GABRB2: variants seen among roughly 807,000 people sequenced by gnomAD.
The protein encoded by GABRB2 is gamma-aminobutyric acid type A receptor subunit beta2, also known as gamma-aminobutyric acid receptor subunit beta-2.
In GABRB2, 16 loss-of-function variants were observed where a neutral mutation model predicts 54.7. The ratio of observed to expected loss-of-function variants is 0.29; its 90% CI spans 0.20 to 0.44. The LOEUF (loss-of-function observed/expected upper bound fraction) is 0.44. Ranked by LOEUF, GABRB2 falls within the 20% of genes least tolerant of loss-of-function variation. GABRB2 has a pLI of 1.00. For synonymous variants in GABRB2, 244 were observed against 233.8 expected (o/e 1.04, Z -0.40); for missense variants, 355 against 644.0 (o/e 0.55, Z 4.86).
chr5:161,449,889 A>G (rs1229754919), intron 4 of GABRB2, among the ~76,000 whole-genome samples: 2 of 152,150 alleles, frequency 1.3e-5, no homozygotes, highest in Non-Finnish European at 2.9e-5. Context: ...CCACGTTCAC[A>G]GTATTCTGGT....
At chr5:161,424,664 TA>T (rs1381489143) in intron 4 of GABRB2, among the ~76,000 whole-genome samples, 1 of 152,102 alleles carries the variant, frequency 6.6e-6, no homozygotes, top group Non-Finnish European at 1.5e-5. Flanking sequence ...ACAAGGAAAT[TA>T]ATATTTTTAG....
chr5:161,498,690 G>T (rs1759330922), intron 3 of GABRB2, among the ~76,000 whole-genome samples: 1 of 151,960 alleles, frequency 6.6e-6, no homozygotes, highest in Non-Finnish European at 1.5e-5. Context: ...ATGGCCTTTG[G>T]AACACAAGGC....
intron 9 of GABRB2, among the ~76,000 whole-genome samples, chr5:161,311,178 C>T (rs1757858232): frequency 6.6e-6 from 1 of 152,106 alleles, no homozygotes; most frequent in African/African-American, 2.4e-5. Context: ...TTTGACATAC[C>T]AGGCATGGAC....
At chr5:161,445,817 G>A (rs1757600664) in intron 4 of GABRB2, among the ~76,000 whole-genome samples, 1 of 152,068 alleles carries the variant, frequency 6.6e-6, no homozygotes, top group Non-Finnish European at 1.5e-5. Context: ...ATTAATTGAT[G>A]CCTTGTATCT....
chr5:161,540,946 G>A lies in GABRB2; in HGVS notation c.237+4281C>T, dbSNP rs186520198. On this transcript the variant is annotated intron_variant, in intron 3 of 9. Transcript: ENST00000393959. The stretch of plus-strand genomic sequence containing the variant: ...ACTGCAACCTTTGCCACCCAGGTTC[G>A]AGTGATCCTCCACCTCAGCCTCCTG... 1.3e-3 allele frequency among the ~76,000 whole-genome samples: 200 copies of A among 152,076 alleles called. 1 individual carries two copies. Among genetic ancestry groups the A allele is most frequent in the Non-Finnish European group, 2.4e-3 (165 of 67,972 alleles).
intron 4 of GABRB2, among the ~76,000 whole-genome samples, chr5:161,433,515 T>C (rs950763725): frequency 6.6e-6 from 1 of 151,094 alleles, no homozygotes. Flanking sequence ...GAGACTTAGG[T>C]GGGAGGATCC....
chr5:161,507,816 C>T (rs1314322651), intron 3 of GABRB2, among the ~76,000 whole-genome samples: 2 of 151,996 alleles, frequency 1.3e-5, no homozygotes, highest in Non-Finnish European at 2.9e-5. Context: ...CCACTACACC[C>T]CCACTAGAAT....
intron 4 of GABRB2, among the ~76,000 whole-genome samples, chr5:161,425,827 C>G (rs1756982759): frequency 6.6e-6 from 1 of 151,994 alleles, no homozygotes; most frequent in Non-Finnish European, 1.5e-5. Flanking sequence ...CCATCTTTCT[C>G]CTAGCAAATT....
chr5:161,350,392 TAAC>T (rs936572702), intron 5 of GABRB2, among the ~76,000 whole-genome samples: 7 of 152,004 alleles, frequency 4.6e-5, no homozygotes, highest in Non-Finnish European at 1.0e-4. Flanking sequence ...TTCTGTACAC[TAAC>T]AACAAAGTAA....
Position 161,294,234 on chromosome 5 carries a change from T to C in GABRB2, c.1386A>G (p.Gln462=). 6.2e-7 allele frequency: 1 copy of C among 1,614,154 alleles called. No individual in the cohort carries two copies. Among genetic ancestry groups the C allele is most frequent in the African/African-American group, 1.3e-5 (1 of 75,042 alleles). ...CGCGTCTCCTCAGGCGACTTTTCTTTTGCGCCACATGTCGTTCCAGAGCAT... is the reference window on the plus strand; with the variant it reads ...CGCGTCTCCTCAGGCGACTTTTCTTCTGCGCCACATGTCGTTCCAGAGCAT... The part of the protein sequence containing the change: ...GRNALERHVA[Q]KKSRLRRRAS... The change falls in exon 10 of 10, where the codon CAA becomes CAG. Residue 462 remains glutamine (Q), a synonymous_variant. Coordinates refer to ENST00000393959, the MANE Select transcript of GABRB2 (RefSeq NM_001371727.1).
intron 9 of GABRB2, among the ~76,000 whole-genome samples, chr5:161,299,455 C>A (rs1264017082): frequency 6.6e-6 from 1 of 152,172 alleles, no homozygotes; most frequent in Non-Finnish European, 1.5e-5. Context: ...TCAACAGAAT[C>A]TGCTGAGATG....
intron 3 of GABRB2, among the ~76,000 whole-genome samples, chr5:161,488,350 G>A (rs1034809253): frequency 6.6e-6 from 1 of 151,560 alleles, no homozygotes; most frequent in Admixed American, 6.6e-5. Flanking sequence ...ATGTTTTGGG[G>A]CCAGTAAACC....
At chr5:161,401,094 C>G (rs1325583149) in intron 5 of GABRB2, among the ~76,000 whole-genome samples, 2 of 152,078 alleles carry the variant, frequency 1.3e-5, no homozygotes, top group Non-Finnish European at 2.9e-5. Flanking sequence ...GTAGTCTACC[C>G]ACACTCTGCC....
At chr5:161,352,854 A>T (rs1754515763) in intron 5 of GABRB2, among the ~76,000 whole-genome samples, 1 of 152,026 alleles carries the variant, frequency 6.6e-6, no homozygotes, top group African/African-American at 2.4e-5. Flanking sequence ...TAAATAAAAA[A>T]CCTAATAAAC....
At chr5:161,523,375 G>C (rs1760176083) in intron 3 of GABRB2, among the ~76,000 whole-genome samples, 1 of 151,470 alleles carries the variant, frequency 6.6e-6, no homozygotes. Context: ...AAATCCGACT[G>C]TGTTACATTT....
At chr5:161,474,616 A>G (rs2964777) in intron 3 of GABRB2, among the ~76,000 whole-genome samples, 151,491 of 152,078 alleles carry the variant, frequency 1, 75,456 homozygotes, top group East Asian at 1. Context: ...AAGAATAGGT[A>G]TCAATGTGTT....
chr5:161,382,272 G>T (rs1391487875), intron 5 of GABRB2, among the ~76,000 whole-genome samples: 1 of 152,160 alleles, frequency 6.6e-6, no homozygotes, highest in Non-Finnish European at 1.5e-5. Flanking sequence ...GGAAAGTCTG[G>T]AGAGCATGTC....
chr5:161,416,727 T>TAAAA (rs1756687046), intron 4 of GABRB2, among the ~76,000 whole-genome samples: 1 of 57,634 alleles, frequency 1.7e-5, no homozygotes, highest in African/African-American at 4.4e-5. Context: ...AAAAAAAAAT[T>TAAAA]AGATGCCTTA....
At position 161,291,934 on chromosome 5, in the gene GABRB2, C is replaced by T. The variant is rs952717009; in HGVS notation, c.*2147G>A. The T allele has an allele frequency of 6.6e-6, 1 of 152,000 alleles. No individual in the cohort carries two copies. The highest frequency in any genetic ancestry group is 1.5e-5 in the Non-Finnish European group (1 of 67,996). The allele number at this position is 152,000 out of a possible 1,614,324, so 9.4% of individuals were successfully genotyped here. The stretch of plus-strand genomic sequence containing the variant: ...GCAGGCACTTTACTTAGTGTGATGC[C>T]CCAAAATGATTGCCTAGGAGAAAGT... On this transcript the variant is annotated 3_prime_UTR_variant, in exon 10 of 10. Transcript: ENST00000393959.
Sources: gnomAD v4.1 joint callset for allele counts (sites outside exome capture counted in the v4.1 genomes callset) on GRCh38, gnomAD v4.1.1 for gene constraint, MANE v1.5 for transcripts, NCBI Gene and HGNC (gene_info 2026-07-23, HGNC 2026-07-21) for gene names.